Variants in ROR1 observed in about 807,000 individuals in gnomAD.
ROR1 encodes the protein inactive tyrosine-protein kinase transmembrane receptor ROR1.
A neutral mutation model predicts 78.8 loss-of-function variants in ROR1; 19 were observed. The ratio of observed to expected loss-of-function variants is 0.24; its 90% confidence interval spans 0.17 to 0.35. The LOEUF is 0.35. Among genes scored for constraint, ROR1 ranks in the 10% least tolerant of loss-of-function variants. The probability of loss-of-function intolerance (pLI) is 1.00; values close to 1 mark genes in which losing one functional copy is unlikely to be tolerated. For missense variants in ROR1, 917 were observed against 1,177.8 expected, an observed-to-expected ratio of 0.78 and a Z score of 3.24; for synonymous variants, 386 against 433.6, an observed-to-expected ratio of 0.89 and a Z score of 1.36.
intron 1 of ROR1, among the ~76,000 whole-genome samples, chr1:63,862,807 AG>A (rs1436983602): frequency 6.6e-6 from 1 of 152,226 alleles, no homozygotes. Flanking sequence ...TGGGGTTATA[AG>A]GTATTTTCTG....
Position 63,963,284 on chromosome 1 carries a change from T to C in ROR1, c.92-46021T>C, listed in dbSNP as rs188824444. Among the ~76,000 whole-genome samples, 44 of 152,296 alleles carry C rather than the reference T, an allele frequency of 2.9e-4. No homozygotes were observed. The East Asian group carries it at 7.3e-3, about 25-fold the overall frequency. Reference sequence around the variant, plus strand: ...TATTTCTCTTTTAGAAAAATAATTCTGGGCTGGGCGCAGTGGCTCATGCCT... The same window carrying C: ...TATTTCTCTTTTAGAAAAATAATTCCGGGCTGGGCGCAGTGGCTCATGCCT... On this transcript the variant is annotated intron_variant, in intron 1 of 8. Coordinates refer to ENST00000371079, the MANE Select transcript of ROR1 (RefSeq NM_005012.4).
chr1:63,927,634 C>T (rs1441818066), intron 1 of ROR1, among the ~76,000 whole-genome samples: 3 of 151,522 alleles, frequency 2.0e-5, no homozygotes, highest in East Asian at 1.9e-4. Flanking sequence ...TCATTTTAGA[C>T]GAGGAACCTG....
At chr1:63,871,461 G>C (rs930372312) in intron 1 of ROR1, among the ~76,000 whole-genome samples, 2 of 152,186 alleles carry the variant, frequency 1.3e-5, no homozygotes, top group African/African-American at 4.8e-5. Context: ...TCGTTCCCCT[G>C]TGGAGCATCA....
In ROR1 at chr1:63,889,511, C is replaced by T. The variant is rs2100386547; in HGVS notation, c.91+115003C>T. Among the ~76,000 whole-genome samples the T allele has an allele frequency of 1.3e-5, 2 of 152,216 alleles. 1 individual carries two copies. Among genetic ancestry groups the T allele is most frequent in the Middle Eastern group, 6.8e-3 (2 of 294 alleles). On this transcript the variant is annotated intron_variant, in intron 1 of 8. Transcript: ENST00000371079. ...TGCTTTCCAGAATGAATACCCAATG[C>T]AGAGAGTCCTGGAAGAACGAAGTGC...
chr1:63,991,597 C>G (rs1300073249), intron 1 of ROR1, among the ~76,000 whole-genome samples: 4 of 152,172 alleles, frequency 2.6e-5, no homozygotes, highest in African/African-American at 9.7e-5. Context: ...GGCAGGTCTT[C>G]TTCACCCATA....
At chr1:64,151,938 A>G (rs1197606479) in intron 7 of ROR1, among the ~76,000 whole-genome samples, 1 of 152,092 alleles carries the variant, frequency 6.6e-6, no homozygotes, top group Non-Finnish European at 1.5e-5. Context: ...CTGAATTTAT[A>G]AAATCAGAGA....
intron 1 of ROR1, among the ~76,000 whole-genome samples, chr1:63,863,987 C>G (rs1411616193): frequency 1.3e-5 from 2 of 151,756 alleles, no homozygotes; most frequent in Non-Finnish European, 1.5e-5. Context: ...TCTTTTTTTC[C>G]TAAAAAGGAC....
intron 7 of ROR1, among the ~76,000 whole-genome samples, chr1:64,151,743 G>T (rs934132042): frequency 6.6e-6 from 1 of 151,670 alleles, no homozygotes; most frequent in African/African-American, 2.4e-5. Context: ...AATTAGCCGG[G>T]TGTGGTGGAG....
chr1:64,019,129 T>C lies in ROR1; in HGVS notation c.163+9753T>C, dbSNP rs192564781. On this transcript the variant is annotated intron_variant, in intron 2 of 8. Transcript: ENST00000371079. ...TTGAGAGGTTTAAAAGGTCTCCAGGTGATTCTAGTGTGCAACAAAGTTTGA... is the reference window on the plus strand; with the variant it reads ...TTGAGAGGTTTAAAAGGTCTCCAGGCGATTCTAGTGTGCAACAAAGTTTGA... 3.8e-3 allele frequency among the ~76,000 whole-genome samples: 577 copies of C among 152,300 alleles called. 4 individuals are homozygous for C. The highest frequency in any genetic ancestry group is 0.013 in the African/African-American group (550 of 41,570).
chr1:63,821,946 G>T (rs1473143908), intron 1 of ROR1, among the ~76,000 whole-genome samples: 2 of 152,122 alleles, frequency 1.3e-5, no homozygotes, highest in Non-Finnish European at 2.9e-5. Context: ...GGTATTCCAG[G>T]TTTGCTCTAC....
intron 1 of ROR1, among the ~76,000 whole-genome samples, chr1:63,821,694 C>T (rs868733866): frequency 3.9e-5 from 6 of 152,108 alleles, no homozygotes; most frequent in South Asian, 2.1e-4. Context: ...AAAGAAGCAG[C>T]GTTTGCAGTT....
chr1:64,164,626 G>A (rs1481151502), intron 8 of ROR1, among the ~76,000 whole-genome samples: 1 of 152,088 alleles, frequency 6.6e-6, no homozygotes, highest in Non-Finnish European at 1.5e-5. Flanking sequence ...AAGTTAAGGT[G>A]TACAAGGGCA....
chr1:63,837,974 G>A (rs1168868370), intron 1 of ROR1, among the ~76,000 whole-genome samples: 2 of 152,130 alleles, frequency 1.3e-5, no homozygotes, highest in Non-Finnish European at 2.9e-5. Context: ...TAATGGAGCT[G>A]AAAAACTCCT....
At chr1:64,012,347 G>A (rs1269368839) in intron 2 of ROR1, among the ~76,000 whole-genome samples, 1 of 152,184 alleles carries the variant, frequency 6.6e-6, no homozygotes, top group Non-Finnish European at 1.5e-5. Context: ...GGATCACCCA[G>A]GAGAAATCAA....
At chr1:63,930,216 A>C (rs1645740461) in intron 1 of ROR1, among the ~76,000 whole-genome samples, 2 of 152,072 alleles carry the variant, frequency 1.3e-5, no homozygotes, top group Admixed American at 1.3e-4. Context: ...CTTTAAAGGC[A>C]GGGATTCCGG....
intron 1 of ROR1, chr1:63,843,361 G>T (rs1351187896): frequency 1.1e-6 from 1 of 874,992 alleles, no homozygotes; most frequent in African/African-American, 1.7e-5. Flanking sequence ...CTTTTAAGGG[G>T]AGCAGACTCA....
intron 1 of ROR1, among the ~76,000 whole-genome samples, chr1:63,986,142 A>G (rs1402892324): frequency 6.6e-6 from 1 of 152,176 alleles, no homozygotes; most frequent in African/African-American, 2.4e-5. Flanking sequence ...GGGGTGCATG[A>G]CTAGGTTCTG....
chr1:64,122,346 G>C (rs1458215271), intron 4 of ROR1, among the ~76,000 whole-genome samples: 2 of 152,162 alleles, frequency 1.3e-5, no homozygotes, highest in Non-Finnish European at 2.9e-5. Context: ...TCAGCTTTCT[G>C]GGGACTGGCA....
At chr1:63,877,779 A>G (rs1645297136) in intron 1 of ROR1, among the ~76,000 whole-genome samples, 1 of 152,186 alleles carries the variant, frequency 6.6e-6, no homozygotes, top group African/African-American at 2.4e-5. Context: ...CTATATATTT[A>G]TTAGACATTT....
Sources: allele counts gnomAD v4.1 joint callset (sites outside exome capture counted in the v4.1 genomes callset), GRCh38; gene constraint gnomAD v4.1.1; transcripts MANE v1.5; gene names NCBI Gene and HGNC (gene_info 2026-07-23, HGNC 2026-07-21).